The following ARHGEF4 variants were observed in gnomAD, a reference collection of about 807,000 sequenced individuals.
The protein encoded by ARHGEF4 is Rho guanine nucleotide exchange factor 4, also known as APC-stimulated guanine nucleotide exchange factor 1.
Under a neutral mutation model 162.0 loss-of-function variants are expected in ARHGEF4, and 119 were observed. The observed-to-expected ratio is 0.73, with a 90% CI of 0.63 to 0.86. ARHGEF4 has a LOEUF of 0.86. Ranked by LOEUF, ARHGEF4 falls within the 40% of genes least tolerant of loss-of-function variation. The pLI is 0.00. For missense variants in ARHGEF4, 2,488 were observed against 2,456.0 expected (o/e 1.01, Z -0.28); for synonymous variants, 1,014 against 979.9 (o/e 1.03, Z -0.65).
intron 3 of ARHGEF4, among the ~76,000 whole-genome samples, chr2:130,933,494 G>T (rs188460770): frequency 6.6e-6 from 1 of 152,084 alleles, no homozygotes; most frequent in Non-Finnish European, 1.5e-5. Context: ...GATTGCATTC[G>T]ATCTGTAGAT....
In ARHGEF4 at chr2:130,916,639, T is replaced by G. The variant is rs1349883091; in HGVS notation, c.2693T>G (p.Leu898Arg). The change falls in exon 2 of 14, where the codon CTC (leucine) becomes CGC (arginine). Residue 898 changes from leucine (L) to arginine (R), a missense_variant. Coordinates refer to ENST00000409359, the MANE Select transcript of ARHGEF4 (RefSeq NM_001367493.1). ...PSSESCNAKR[L>R]KTTEKKLRAR... ...TCTGAGAGCTGCAACGCAAAGAGAC[T>G]CAAAACAACGGAGAAAAAACTCAGG... is the stretch of plus-strand genomic sequence containing the variant. The G allele has an allele frequency of 6.4e-7, 1 of 1,550,480 alleles. No individual in the cohort carries two copies. The highest frequency in any genetic ancestry group is 8.7e-7 in the Non-Finnish European group (1 of 1,146,976).
chr2:131,002,482 G>A lies in ARHGEF4; in HGVS notation c.3986-25463G>A, dbSNP rs536843977. Among the ~76,000 whole-genome samples the A allele has an allele frequency of 4.0e-4, 60 of 150,210 alleles. 1 individual carries two copies. The highest frequency in any genetic ancestry group is 7.1e-4 in the Non-Finnish European group (48 of 67,450). On this transcript the variant is annotated intron_variant, in intron 4 of 13. Coordinates refer to ENST00000409359, the MANE Select transcript of ARHGEF4 (RefSeq NM_001367493.1). ...TTCCAGCACTTTGGGAGGCCGAGGC[G>A]GGCGGATCACGAGGTCAGGAGATCG...
intron 12 of ARHGEF4, among the ~76,000 whole-genome samples, chr2:131,044,969 A>C (rs1280266109): frequency 6.6e-6 from 1 of 152,056 alleles, no homozygotes; most frequent in Non-Finnish European, 1.5e-5. Context: ...CCCCTGCCCC[A>C]TGCACGCAGA....
intron 4 of ARHGEF4, among the ~76,000 whole-genome samples, chr2:131,012,561 T>TG (rs1469666619): frequency 6.6e-5 from 3 of 45,470 alleles, no homozygotes; most frequent in Non-Finnish European, 3.2e-4. Context: ...TGCCAGGACT[T>TG]TTGTGTGTGT....
At chr2:130,975,592 A>C (rs1021823656) in intron 4 of ARHGEF4, among the ~76,000 whole-genome samples, 1 of 152,060 alleles carries the variant, frequency 6.6e-6, no homozygotes, top group African/African-American at 2.4e-5. Context: ...TCTTGTCCCC[A>C]TTGCCCTGCT....
In ARHGEF4 at chr2:131,043,414, G is replaced by T. The variant is rs200675855; in HGVS notation, c.5026-38G>T. On this transcript the variant is annotated intron_variant, in intron 10 of 13. Transcript: ENST00000409359. The stretch of plus-strand genomic sequence containing the variant: ...GGCAGGAAGTGGAGCCCACGGTTGG[G>T]TATGCGAGGCTCATGGTTCTCCTTG... 9.3e-5 allele frequency: 150 copies of T among 1,612,296 alleles called. No individual in the cohort carries two copies. The African/African-American group carries it at 1.7e-3, about 18-fold the overall frequency.
chr2:130,913,281 G>C (rs1205262051), intron 1 of ARHGEF4, among the ~76,000 whole-genome samples: 2 of 152,144 alleles, frequency 1.3e-5, no homozygotes, highest in African/African-American at 4.8e-5. Flanking sequence ...TTTTTATCAT[G>C]GTGGTAGTTA....
rs1321116955 is a variant in ARHGEF4, at chr2:131,040,329, G to C, written c.4551G>C (p.Gly1517=). Reference sequence around the variant, plus strand: ...AGGAGCAGCTGCGTACCATCTTCGGGAACATCGAGGACATCTACCGCTGCC... The same window carrying C: ...AGGAGCAGCTGCGTACCATCTTCGGCAACATCGAGGACATCTACCGCTGCC... ...FSEEQLRTIF[G]NIEDIYRCQK... The change falls in exon 8 of 14, where the codon GGG becomes GGC. Residue 1517 remains glycine (G), a synonymous_variant. Coordinates refer to ENST00000409359, the MANE Select transcript of ARHGEF4 (RefSeq NM_001367493.1). The C allele has an allele frequency of 6.2e-7, 1 of 1,612,646 alleles. No individual in the cohort carries two copies. The highest frequency in any genetic ancestry group is 1.3e-5 in the African/African-American group (1 of 74,922).
Position 131,047,007 on chromosome 2 carries a change from G to A in ARHGEF4, c.*818G>A, listed in dbSNP as rs943997618. The A allele has an allele frequency of 6.6e-6, 1 of 152,576 alleles. No individual in the cohort carries two copies. The highest frequency in any genetic ancestry group is 6.5e-5 in the Admixed American group (1 of 15,294). The allele number at this position is 152,576 out of a possible 1,614,324, so 9.5% of individuals were successfully genotyped here. On this transcript the variant is annotated 3_prime_UTR_variant, in exon 14 of 14. Coordinates refer to ENST00000409359, the MANE Select transcript of ARHGEF4 (RefSeq NM_001367493.1). ...ACACAGAAGATTGCCTTACGCTCGT[G>A]AGCGTGAGAAGCCATAAGAGAGAGA...
chr2:130,891,455 C>G (rs186286488), intron 1 of ARHGEF4, among the ~76,000 whole-genome samples: 123 of 152,318 alleles, frequency 8.1e-4, no homozygotes, highest in African/African-American at 2.8e-3. Context: ...GACTGTGTGG[C>G]TATTCACAGC....
In ARHGEF4 at chr2:130,909,061, C is replaced by T. The variant is rs368699638; in HGVS notation, c.40-4925C>T. ...CTGGGGAGGTTGTGGAGCAGCAGGA[C>T]CTCATACATTGTGGGGAGTGAGGAA... On this transcript the variant is annotated intron_variant, in intron 1 of 13. Coordinates refer to ENST00000409359, the MANE Select transcript of ARHGEF4 (RefSeq NM_001367493.1). 2.6e-5 allele frequency among the ~76,000 whole-genome samples: 4 copies of T among 152,172 alleles called. No homozygotes were observed. In the East Asian group the frequency reaches 7.7e-4, roughly 29 times the overall value.
intron 4 of ARHGEF4, among the ~76,000 whole-genome samples, chr2:130,969,600 A>G (rs1685227386): frequency 6.7e-6 from 1 of 149,024 alleles, no homozygotes; most frequent in Non-Finnish European, 1.5e-5. Flanking sequence ...CTCCGTCTCA[A>G]AAAAAAAAAA....
intron 4 of ARHGEF4, 91 bp downstream of exon 4, chr2:130,946,726 C>T (rs751011042): frequency 6.4e-7 from 1 of 1,564,576 alleles, no homozygotes; most frequent in Non-Finnish European, 8.7e-7. Context: ...TATCCACTTG[C>T]CTGGTAGAAG....
At position 130,915,470 on chromosome 2, in the gene ARHGEF4, A is replaced by G. The variant is rs1681423198; in HGVS notation, c.1524A>G (p.Ser508=). The part of the protein sequence containing the change: ...QAGNQTSNYT[S]KYVLSEESKS... ...GAAACCAAACCAGTAATTACACATCAAAGTATGTGCTCAGCGAGGAAAGCA... is the reference window on the plus strand; with the variant it reads ...GAAACCAAACCAGTAATTACACATCGAAGTATGTGCTCAGCGAGGAAAGCA... Residue 508 remains serine, a synonymous_variant, in exon 2 of 14, where the codon TCA becomes TCG. Coordinates refer to ENST00000409359, the MANE Select transcript of ARHGEF4 (RefSeq NM_001367493.1). The G allele has an allele frequency of 1.9e-6, 3 of 1,550,512 alleles. No homozygotes were observed. Among genetic ancestry groups the G allele is most frequent in the Non-Finnish European group, 2.6e-6 (3 of 1,146,982 alleles).
chr2:130,850,638 A>G (rs1168303860), intron 1 of ARHGEF4, among the ~76,000 whole-genome samples: 3 of 152,166 alleles, frequency 2.0e-5, no homozygotes, highest in Non-Finnish European at 2.9e-5. Context: ...TGTGGGGGCT[A>G]CAGTGCCCCA....
chr2:131,001,186 C>T (rs894694279), intron 4 of ARHGEF4, among the ~76,000 whole-genome samples: 3 of 151,390 alleles, frequency 2.0e-5, no homozygotes, highest in Non-Finnish European at 4.4e-5. Context: ...GCCTGTAATC[C>T]CAGCTACTCG....
chr2:131,003,307 C>A (rs1203553661), intron 4 of ARHGEF4, among the ~76,000 whole-genome samples: 1 of 152,218 alleles, frequency 6.6e-6, no homozygotes, highest in Non-Finnish European at 1.5e-5. Flanking sequence ...ATTCCTGTTC[C>A]ACACTGTTTC....
intron 1 of ARHGEF4, among the ~76,000 whole-genome samples, chr2:130,909,512 A>AGGG (rs1681039426): frequency 6.6e-6 from 1 of 152,184 alleles, no homozygotes; most frequent in East Asian, 1.9e-4. Context: ...GTGTTGAGGG[A>AGGG]GGAGTGAGGA....
chr2:130,890,151 T>C (rs192459241), intron 1 of ARHGEF4, among the ~76,000 whole-genome samples: 3 of 152,348 alleles, frequency 2.0e-5, no homozygotes, highest in Admixed American at 2.0e-4. Flanking sequence ...TGTCAGCCAT[T>C]AATTCTTCAG....
Sources: gnomAD v4.1 joint callset for allele counts (sites outside exome capture counted in the v4.1 genomes callset) on GRCh38, gnomAD v4.1.1 for gene constraint, MANE v1.5 for transcripts, NCBI Gene and HGNC (gene_info 2026-07-23, HGNC 2026-07-21) for gene names.